Variants in RRAS2 observed in about 807,000 individuals in gnomAD.
RRAS2 encodes RAS related 2.
In RRAS2, 7 loss-of-function variants were observed where a neutral mutation model predicts 27.6. The ratio of observed to expected loss-of-function variants is 0.25; its 90% confidence interval spans 0.14 to 0.48. RRAS2 has a LOEUF of 0.48. RRAS2 is among the 20% of genes least tolerant of loss of function. The pLI, the probability that RRAS2 is intolerant of heterozygous loss-of-function variation, is 0.99. For synonymous variants in RRAS2, 86 were observed against 90.9 expected (o/e 0.95, Z 0.31); for missense variants, 178 against 256.2 (o/e 0.69, Z 2.08).
intron 1 of RRAS2, among the ~76,000 whole-genome samples, chr11:14,317,074 A>G (rs1554949649): frequency 1.3e-5 from 2 of 152,342 alleles, no homozygotes; most frequent in South Asian, 4.1e-4. Flanking sequence ...TCTGTGTGGT[A>G]AGAGTAAATT....
upstream of RRAS2, among the ~76,000 whole-genome samples, chr11:14,361,267 C>A (rs915207811): frequency 2.6e-5 from 4 of 151,806 alleles, no homozygotes; most frequent in Admixed American, 6.6e-5. Flanking sequence ...CACACCACTG[C>A]ACTCCCGCCT....
chr11:14,288,779 T>C (rs1849731508), intron 4 of RRAS2, among the ~76,000 whole-genome samples: 1 of 152,208 alleles, frequency 6.6e-6, no homozygotes, highest in Admixed American at 6.5e-5. Context: ...GCTCATCTAG[T>C]ACTACATATT....
intron 2 of RRAS2, among the ~76,000 whole-genome samples, chr11:14,295,245 A>C (rs1272717207): frequency 3.3e-5 from 5 of 152,216 alleles, no homozygotes; most frequent in Admixed American, 3.3e-4. Context: ...AGTTATAACC[A>C]CTATCCCCCA....
intron 1 of RRAS2, among the ~76,000 whole-genome samples, chr11:14,336,183 T>C (rs1354033043): frequency 6.6e-6 from 1 of 152,146 alleles, no homozygotes; most frequent in Non-Finnish European, 1.5e-5. Context: ...ATTTTGGACT[T>C]AATGTAAGCT....
intron 1 of RRAS2, among the ~76,000 whole-genome samples, chr11:14,306,362 C>A (rs1554948067): frequency 6.6e-6 from 1 of 152,078 alleles, no homozygotes; most frequent in African/African-American, 2.4e-5. Context: ...GAGATGTGAT[C>A]CCACTATGTT....
intron 1 of RRAS2, among the ~76,000 whole-genome samples, chr11:14,357,190 C>A (rs1313750737): frequency 1.3e-5 from 2 of 152,018 alleles, no homozygotes; most frequent in Non-Finnish European, 2.9e-5. Context: ...ATGGCCCCTT[C>A]CTCAAAAAAA....
chr11:14,295,948 G>A (rs1847536187), intron 1 of RRAS2, 93 bp from the exon 2 acceptor site: 17 of 1,031,464 alleles, frequency 1.6e-5, no homozygotes, highest in South Asian at 6.0e-5. Context: ...CGAGGGAGAA[G>A]GATCACTTGA....
intron 1 of RRAS2, among the ~76,000 whole-genome samples, chr11:14,311,690 T>C (rs1554948889): frequency 6.6e-6 from 1 of 152,088 alleles, no homozygotes; most frequent in African/African-American, 2.4e-5. Flanking sequence ...TTAAATGTAT[T>C]TAAGAAAATA....
intron 1 of RRAS2, among the ~76,000 whole-genome samples, chr11:14,344,983 CTTTATTT>C (rs1190586862): frequency 3.8e-5 from 3 of 78,982 alleles, no homozygotes; most frequent in African/African-American, 9.6e-5. Context: ...CTACTCAAGA[CTTTATTT>C]TTTTTTTTTT....
chr11:14,317,302 G>A (rs565197714), intron 1 of RRAS2, among the ~76,000 whole-genome samples: 22 of 152,294 alleles, frequency 1.4e-4, no homozygotes, highest in African/African-American at 3.4e-4. Context: ...ATCTTAGGCC[G>A]GGCATGGTGG....
At chr11:14,307,720 C>T (rs530932143) in intron 1 of RRAS2, among the ~76,000 whole-genome samples, 1 of 152,126 alleles carries the variant, frequency 6.6e-6, no homozygotes, top group South Asian at 2.1e-4. Context: ...AATCCTGGTA[C>T]CCCTTAAAAT....
chr11:14,359,796 ACTC>A (rs1206552979), upstream of RRAS2, among the ~76,000 whole-genome samples: 2 of 151,866 alleles, frequency 1.3e-5, no homozygotes, highest in Non-Finnish European at 2.9e-5. Flanking sequence ...GAGGGGTTGA[ACTC>A]CTGGCCTCAA....
At chr11:14,291,320 T>C (rs1849810330) in intron 4 of RRAS2, among the ~76,000 whole-genome samples, 1 of 152,124 alleles carries the variant, frequency 6.6e-6, no homozygotes, top group Non-Finnish European at 1.5e-5. Context: ...TAAAGATTAG[T>C]GGTCATGACT....
intron 1 of RRAS2, among the ~76,000 whole-genome samples, chr11:14,345,508 G>A (rs1194559374): frequency 6.6e-6 from 1 of 152,130 alleles, no homozygotes; most frequent in East Asian, 1.9e-4. Context: ...TAATGTCAAG[G>A]TGAACCAGAC....
At chr11:14,296,221 T>C (rs918221521) in intron 1 of RRAS2, among the ~76,000 whole-genome samples, 5 of 151,786 alleles carry the variant, frequency 3.3e-5, no homozygotes, top group Non-Finnish European at 7.4e-5. Flanking sequence ...AAAAATAAAA[T>C]AAAATTTATG....
chr11:14,320,435 C>T (rs1201971250), intron 1 of RRAS2, among the ~76,000 whole-genome samples: 2 of 152,104 alleles, frequency 1.3e-5, no homozygotes, highest in Admixed American at 1.3e-4. Context: ...GTAATCAAGA[C>T]AAAAAATTTT....
chr11:14,340,119 C>T (rs1554953093), intron 1 of RRAS2, among the ~76,000 whole-genome samples: 1 of 137,114 alleles, frequency 7.3e-6, no homozygotes, highest in Non-Finnish European at 1.6e-5. Flanking sequence ...GACAGGGCAA[C>T]AGAGTCTGTC....
chr11:14,294,419 C>CA, intron 4 of RRAS2, 52 bp downstream of exon 4: 1 of 1,168,032 alleles, frequency 8.6e-7, no homozygotes, highest in East Asian at 2.4e-5. Flanking sequence ...TCTATCAGTT[C>CA]ACTCACATGA....
chr11:14,302,110 A>ACACACC (rs1199183770), intron 1 of RRAS2, among the ~76,000 whole-genome samples: 1 of 143,654 alleles, frequency 7.0e-6, no homozygotes, highest in East Asian at 2.0e-4. Flanking sequence ...ACACACACAC[A>ACACACC]CCAAAAACCA....
Sources: gnomAD v4.1 joint callset for allele counts (sites outside exome capture counted in the v4.1 genomes callset) on GRCh38, gnomAD v4.1.1 for gene constraint, MANE v1.5 for transcripts, NCBI Gene and HGNC (gene_info 2026-07-23, HGNC 2026-07-21) for gene names.